FAM149A: variants seen among roughly 807,000 people sequenced by gnomAD.
FAM149A encodes the protein family with sequence similarity 149 member A, also known as protein FAM149A.
Under a neutral mutation model 78.2 loss-of-function variants are expected in FAM149A, and 71 were observed. The observed-to-expected ratio is 0.91, with a 90% CI of 0.75 to 1.11. The LOEUF (loss-of-function observed/expected upper bound fraction) is 1.11. FAM149A is among the 50% of genes least tolerant of loss of function. FAM149A has a pLI of 0.00. For missense variants in FAM149A, 1,036 were observed against 971.0 expected (o/e 1.07, Z -0.89); for synonymous variants, 446 against 410.5 (o/e 1.09, Z -1.04).
In FAM149A at chr4:186,125,829, AT is replaced by A. The variant is rs141902765; in HGVS notation, c.566+20188del. 2.9e-3 allele frequency: 2,814 copies of A among 985,398 alleles called. 70 individuals are homozygous for A. The African/African-American group carries it at 0.046, about 16-fold the overall frequency. 61.0% of individuals were successfully genotyped at this position (985,398 alleles called of 1,614,324 possible). A position where few individuals can be genotyped will look rare whatever the true frequency, so the allele number is the denominator to read the frequency against. Reference sequence around the variant, plus strand: ...CGTTTGGAAGGGAGGCCAAAAAGAAATACGAGGTAGGGATGAGATGTTGAAG... The same window carrying A: ...CGTTTGGAAGGGAGGCCAAAAAGAAAACGAGGTAGGGATGAGATGTTGAAG... On this transcript the variant is annotated intron_variant, in intron 1 of 13. Coordinates refer to ENST00000389354, the MANE Select transcript of FAM149A (RefSeq NM_001367768.3).
chr4:186,145,602 CTGGAA>C (rs1579864331), intron 1 of FAM149A, among the ~76,000 whole-genome samples: 1 of 152,200 alleles, frequency 6.6e-6, no homozygotes, highest in African/African-American at 2.4e-5. Context: ...TTCCTGACAG[CTGGAA>C]TGGAGTCATG....
At position 186,174,264 on chromosome 4, in the gene FAM149A, G is replaced by C. The variant is rs930655748; in HGVS notation, c.*2277G>C. Among the ~76,000 whole-genome samples the C allele has an allele frequency of 3.6e-5, 4 of 109,962 alleles. 1 individual carries two copies. The highest frequency in any genetic ancestry group is 1.1e-4 in the African/African-American group (4 of 35,112). The allele number at this position is 109,962 out of a possible 152,430, so 72.1% of individuals were successfully genotyped here. A position where few individuals can be genotyped will look rare whatever the true frequency, so the allele number is the denominator to read the frequency against. ...TCCACCCTTTGATAGGCCCTAGTGT[G>C]TGCTGTTCCCCTCTGTGTCCATGTG... On this transcript the variant is annotated 3_prime_UTR_variant, in exon 14 of 14. Transcript: ENST00000389354.
chr4:186,136,538 A>G (rs916743897), intron 1 of FAM149A, among the ~76,000 whole-genome samples: 7 of 152,192 alleles, frequency 4.6e-5, no homozygotes, highest in Admixed American at 1.3e-4. Context: ...TTTCATTTTG[A>G]ATAATGTACT....
intron 8 of FAM149A, chr4:186,160,897 G>T: frequency 1.0e-6 from 1 of 984,050 alleles, no homozygotes; most frequent in Non-Finnish European, 1.2e-6. Context: ...TTAATACTCC[G>T]TGATTGTAAA....
chr4:186,154,278 T>G (rs1733853707), intron 5 of FAM149A, among the ~76,000 whole-genome samples, 190 bp from the exon 6 acceptor site: 1 of 152,226 alleles, frequency 6.6e-6, no homozygotes, highest in Non-Finnish European at 1.5e-5. Flanking sequence ...AAGAAGCCCT[T>G]AAAATGTTTA....
At chr4:186,153,538 CT>C (rs1464716636) in intron 4 of FAM149A, 106 bp from the exon 5 acceptor site, 24 of 1,509,950 alleles carry the variant, frequency 1.6e-5, no homozygotes, top group Non-Finnish European at 2.2e-5. Flanking sequence ...CCATACACAT[CT>C]TATCATACAC....
Position 186,145,456 on chromosome 4 carries a change from TCAGA to T in FAM149A, c.567-3713_567-3710del, listed in dbSNP as rs138686054. 3.3e-3 allele frequency among the ~76,000 whole-genome samples: 496 copies of T among 152,310 alleles called. 4 individuals carry two copies. Among genetic ancestry groups the T allele is most frequent in the African/African-American group, 0.011 (474 of 41,582 alleles). ...ACCCGTTCAGAGTACAGTGCTTATG[TCAGA>T]CAGTCCTGTCAACTAGGAATAGAAA... On this transcript the variant is annotated intron_variant, in intron 1 of 13. Transcript: ENST00000389354.
intron 11 of FAM149A, among the ~76,000 whole-genome samples, chr4:186,165,796 C>G (rs1004512319): frequency 1.3e-5 from 2 of 152,142 alleles, no homozygotes; most frequent in African/African-American, 4.8e-5. Context: ...GTGGATCCTG[C>G]CACAGAAACT....
chr4:186,164,166 C>T lies in FAM149A; in HGVS notation c.1889+533C>T, dbSNP rs1254589929. On this transcript the variant is annotated intron_variant, in intron 10 of 13. Transcript: ENST00000389354. The surrounding 1 kb of genome is among the most constrained non-coding windows in gnomAD (Gnocchi z 4.0). ...ACTTACCAGTATCGGCCAATACTTA[C>T]ATTGATAATAATAGCTAATGTTTAT... Among the ~76,000 whole-genome samples the T allele has an allele frequency of 2.0e-5, 3 of 152,222 alleles. No homozygotes were observed. The highest frequency in any genetic ancestry group is 7.2e-5 in the African/African-American group (3 of 41,442).
chr4:186,152,072 T>C (rs1561406153), intron 4 of FAM149A, 27 bp downstream of exon 4: 1 of 1,611,780 alleles, frequency 6.2e-7, no homozygotes. Flanking sequence ...GGAAGTTCTC[T>C]GGGGTGGGTT....
chr4:186,152,536 T>A (rs1159447323), intron 4 of FAM149A, among the ~76,000 whole-genome samples: 1 of 136,860 alleles, frequency 7.3e-6, no homozygotes, highest in Non-Finnish European at 1.6e-5. Context: ...TCTTTTCTTT[T>A]TGCTTTTTTT....
chr4:186,159,472 G>C (rs1441801392), intron 8 of FAM149A, among the ~76,000 whole-genome samples: 2 of 152,048 alleles, frequency 1.3e-5, no homozygotes, highest in African/African-American at 4.8e-5. Flanking sequence ...GCTGAGTTTA[G>C]GGGATAAGAA....
chr4:186,161,330 C>T (rs940587167), intron 8 of FAM149A, among the ~76,000 whole-genome samples: 1 of 152,114 alleles, frequency 6.6e-6, no homozygotes, highest in Non-Finnish European at 1.5e-5. Context: ...AACCCGCGAT[C>T]TTTGTGAGAC....
rs1428621108 is a variant in FAM149A, at chr4:186,172,849, T to A, written c.*862T>A. ...GCCTGGCTTTTCTTCAGAGTGTGTTTCCCCATCTGACATTACTGTAGAAAA... is the reference window on the plus strand; with the variant it reads ...GCCTGGCTTTTCTTCAGAGTGTGTTACCCCATCTGACATTACTGTAGAAAA... On this transcript the variant is annotated 3_prime_UTR_variant, in exon 14 of 14. Coordinates refer to ENST00000389354, the MANE Select transcript of FAM149A (RefSeq NM_001367768.3). Among the ~76,000 whole-genome samples, 4 of 110,734 alleles carry A rather than the reference T, an allele frequency of 3.6e-5. 1 individual carries two copies. 72.6% of individuals were successfully genotyped at this position (110,734 alleles called of 152,430 possible). A position where few individuals can be genotyped will look rare whatever the true frequency, so the allele number is the denominator to read the frequency against.
chr4:186,163,233 C>CCT (rs1734754652), intron 9 of FAM149A, among the ~76,000 whole-genome samples, 191 bp from the exon 10 acceptor site: 1 of 152,176 alleles, frequency 6.6e-6, no homozygotes, highest in African/African-American at 2.4e-5. Flanking sequence ...AAACCTTAGC[C>CCT]CTCTGCCTGT....
intron 8 of FAM149A, chr4:186,160,885 A>T: frequency 1.0e-6 from 1 of 985,014 alleles, no homozygotes; most frequent in South Asian, 4.7e-5. Context: ...TGATGTCTGC[A>T]TTTAATACTC....
chr4:186,153,389 T>G lies in FAM149A; in HGVS notation c.933-256T>G, dbSNP rs180922588. The G allele has an allele frequency of 3.0e-3, 2,982 of 982,880 alleles. 4 individuals are homozygous for G. The highest frequency in any genetic ancestry group is 3.4e-3 in the Non-Finnish European group (2,841 of 827,598). The allele number at this position is 982,880 out of a possible 1,614,324, so 60.9% of individuals were successfully genotyped here. ...ATTCATCAGCCCTGCAAGGTAACCA[T>G]TATTATCCTGTTTTGCAAATGAAAG... is the stretch of plus-strand genomic sequence containing the variant. On this transcript the variant is annotated intron_variant, in intron 4 of 13. Coordinates refer to ENST00000389354, the MANE Select transcript of FAM149A (RefSeq NM_001367768.3).
intron 1 of FAM149A, chr4:186,147,036 G>A (rs1185790778): frequency 1.1e-6 from 1 of 937,904 alleles, no homozygotes; most frequent in African/African-American, 1.8e-5. Context: ...TGCTATGGGA[G>A]GTCCAAAGAA....
chr4:186,160,731 C>T, intron 8 of FAM149A: 4 of 944,498 alleles, frequency 4.2e-6, no homozygotes, highest in Non-Finnish European at 5.0e-6. Context: ...CACCTCACCA[C>T]ACCCCACACA....
Sources: gnomAD v4.1 joint callset for allele counts (sites outside exome capture counted in the v4.1 genomes callset) on GRCh38, gnomAD v4.1.1 for gene constraint, Gnocchi (gnomAD v3.1) non-coding constraint, MANE v1.5 for transcripts, NCBI Gene and HGNC (gene_info 2026-07-23, HGNC 2026-07-21) for gene names.